The following RBFOX1 variants were observed in gnomAD, a reference collection of about 807,000 sequenced individuals.
RBFOX1 encodes the protein RNA binding fox-1 homolog 1.
RBFOX1 carries 8 observed loss-of-function variants against 57.7 expected under a neutral mutation model. The observed-to-expected ratio is 0.14, with a 90% CI of 0.08 to 0.25. The LOEUF (loss-of-function observed/expected upper bound fraction) is 0.25. Ranked by LOEUF, RBFOX1 falls within the 10% of genes least tolerant of loss-of-function variation. The pLI is 1.00. For missense variants in RBFOX1, 611 were observed against 548.5 expected (o/e 1.11, Z -1.14); for synonymous variants, 326 against 222.4 (o/e 1.47, Z -4.15).
chr16:7,465,261 A>G (rs990976238), intron 4 of RBFOX1, among the ~76,000 whole-genome samples: 3 of 152,278 alleles, frequency 2.0e-5, no homozygotes, highest in African/African-American at 4.8e-5. Context: ...GATAAGCCCA[A>G]TTGAAGTACA....
chr16:7,190,422 C>A (rs1263330564), intron 4 of RBFOX1, among the ~76,000 whole-genome samples: 1 of 152,108 alleles, frequency 6.6e-6, no homozygotes, highest in Admixed American at 6.5e-5. Context: ...TTGTTGTCAG[C>A]CTTTACAAGC....
chr16:5,981,923 C>A (rs2060182102), intron 4 of RBFOX1, among the ~76,000 whole-genome samples: 1 of 152,182 alleles, frequency 6.6e-6, no homozygotes. Context: ...CATAGTGCAC[C>A]CCCTCACCAC....
At chr16:7,441,014 C>T (rs1192804848) in intron 4 of RBFOX1, among the ~76,000 whole-genome samples, 6 of 151,486 alleles carry the variant, frequency 4.0e-5, no homozygotes, top group Admixed American at 3.9e-4. Context: ...TGTGCTTCAG[C>T]ATGGGTGACA....
chr16:6,782,286 T>C (rs112589835), intron 3 of RBFOX1, among the ~76,000 whole-genome samples: 1,700 of 152,302 alleles, frequency 0.011, 17 homozygotes, highest in Non-Finnish European at 0.016. Flanking sequence ...TTTTCCTTTT[T>C]TGATACAGGC....
chr16:5,506,406 C>G (rs1229315968), intron 2 of RBFOX1, among the ~76,000 whole-genome samples: 2 of 152,210 alleles, frequency 1.3e-5, no homozygotes, highest in African/African-American at 4.8e-5. Context: ...AACCCCAATC[C>G]TTTCTTGGTC....
chr16:5,633,085 C>T (rs964170545), intron 3 of RBFOX1, among the ~76,000 whole-genome samples: 1 of 151,906 alleles, frequency 6.6e-6, no homozygotes, highest in Non-Finnish European at 1.5e-5. Flanking sequence ...ACTGTAGGCA[C>T]CAGTCACCAT....
intron 3 of RBFOX1, among the ~76,000 whole-genome samples, chr16:6,668,136 G>T (rs1480289430): frequency 6.6e-6 from 1 of 152,210 alleles, no homozygotes; most frequent in Non-Finnish European, 1.5e-5. Context: ...CTGACTGAAA[G>T]AGTATAGAGT....
At chr16:6,961,510 G>C (rs1177382958) in intron 3 of RBFOX1, among the ~76,000 whole-genome samples, 2 of 152,236 alleles carry the variant, frequency 1.3e-5, no homozygotes, top group African/African-American at 2.4e-5. Context: ...GAAAGAATCA[G>C]AGCGAGTCCG....
intron 2 of RBFOX1, among the ~76,000 whole-genome samples, chr16:5,498,774 T>C (rs1256125875): frequency 6.6e-6 from 1 of 152,238 alleles, no homozygotes; most frequent in Non-Finnish European, 1.5e-5. Flanking sequence ...CTGGCAATTA[T>C]ATTTTTGCGT....
intron 4 of RBFOX1, among the ~76,000 whole-genome samples, chr16:5,992,550 TTGTGTGTGTGCTTA>T (rs1596360436): frequency 6.6e-6 from 1 of 152,032 alleles, no homozygotes; most frequent in African/African-American, 2.4e-5. Context: ...GTGTGTGTGC[TTGTGTGTGTGCTTA>T]TGTGTGTGTT....
chr16:5,578,349 G>C (rs1434417096), intron 2 of RBFOX1, among the ~76,000 whole-genome samples: 1 of 152,082 alleles, frequency 6.6e-6, no homozygotes, highest in Non-Finnish European at 1.5e-5. Context: ...TTACTTGTTG[G>C]GTGGGGTATG....
chr16:7,014,135 A>G lies in RBFOX1; in HGVS notation c.-15-37922A>G, dbSNP rs187210159. On this transcript the variant is annotated intron_variant, in intron 3 of 15. Coordinates refer to ENST00000550418, the MANE Select transcript of RBFOX1 (RefSeq NM_018723.4). ...ACAGGCAATTGTGTATGCAGAATAA[A>G]TGCTCAAAAAGAACTGTCCAAGGTG... is the stretch of plus-strand genomic sequence containing the variant. 2.6e-5 allele frequency among the ~76,000 whole-genome samples: 4 copies of G among 152,298 alleles called. No homozygotes were observed. In the East Asian group the frequency reaches 7.7e-4, roughly 29 times the overall value.
rs553862265 is a variant in RBFOX1 at position 5,383,439 on chromosome 16, C to G, written c.220-83777C>G. 2.0e-5 allele frequency among the ~76,000 whole-genome samples: 3 copies of G among 152,302 alleles called. No homozygotes were observed. In the South Asian group the frequency reaches 6.2e-4, roughly 32 times the overall value. On this transcript the variant is annotated intron_variant, in intron 1 of 2. Transcript: ENST00000585867. ...GGCAGCACAGGCACTACATTTGGGTCTGTTAGGCCTGGTTAGTTGGCACTG... is the reference window on the plus strand; with the variant it reads ...GGCAGCACAGGCACTACATTTGGGTGTGTTAGGCCTGGTTAGTTGGCACTG...
At chr16:6,731,754 C>G (rs529178854) in intron 3 of RBFOX1, among the ~76,000 whole-genome samples, 1 of 152,010 alleles carries the variant, frequency 6.6e-6, no homozygotes, top group Admixed American at 6.6e-5. Flanking sequence ...TTACAGGATG[C>G]TTTTTTCTTC....
chr16:7,272,691 C>G (rs1487569906), intron 4 of RBFOX1, among the ~76,000 whole-genome samples: 1 of 152,030 alleles, frequency 6.6e-6, no homozygotes, highest in Non-Finnish European at 1.5e-5. Context: ...AGGAGGGAAA[C>G]AAGGGAGAGG....
chr16:7,643,951 A>T (rs1287391900), intron 11 of RBFOX1, among the ~76,000 whole-genome samples: 1 of 152,156 alleles, frequency 6.6e-6, no homozygotes, highest in Non-Finnish European at 1.5e-5. Flanking sequence ...TTCCCCTGCA[A>T]ATTAACCCAG....
At chr16:5,302,006 C>G (rs1226423035) in intron 1 of RBFOX1, among the ~76,000 whole-genome samples, 1 of 151,672 alleles carries the variant, frequency 6.6e-6, no homozygotes, top group African/African-American at 2.4e-5. Context: ...ATTTGCTCCT[C>G]TTTAGCTTCT....
chr16:6,267,016 A>G (rs1490449488), intron 1 of RBFOX1, among the ~76,000 whole-genome samples: 6 of 152,182 alleles, frequency 3.9e-5, no homozygotes, highest in Admixed American at 3.3e-4. Context: ...CACCACCATC[A>G]TGAATATTTT....
intron 3 of RBFOX1, among the ~76,000 whole-genome samples, chr16:5,640,922 CACATACACTCATGCACACCAT>C (rs2048846577): frequency 6.6e-6 from 1 of 150,862 alleles, no homozygotes; most frequent in Non-Finnish European, 1.5e-5. Context: ...GACACACGTG[CACATACACTCATGCACACCAT>C]GCATACACAC....
Sources: gnomAD v4.1 joint callset for allele counts (sites outside exome capture counted in the v4.1 genomes callset) on GRCh38, gnomAD v4.1.1 for gene constraint, MANE v1.5 for transcripts, NCBI Gene and HGNC (gene_info 2026-07-23, HGNC 2026-07-21) for gene names.